The following IRS1 variants were observed in gnomAD, a reference collection of about 807,000 sequenced individuals.
The protein encoded by IRS1 is insulin receptor substrate 1.
A neutral mutation model predicts 65.6 loss-of-function variants in IRS1; 34 were observed. The ratio of observed to expected loss-of-function variants is 0.52; its 90% CI spans 0.39 to 0.69. The LOEUF is 0.69. Ranked by LOEUF, IRS1 falls within the 30% of genes least tolerant of loss-of-function variation. The pLI, the probability that IRS1 is intolerant of heterozygous loss-of-function variation, is 0.00. For missense variants in IRS1, 1,641 were observed against 1,720.2 expected (o/e 0.95, Z 0.81); for synonymous variants, 699 against 683.5 (o/e 1.02, Z -0.35).
Position 226,796,747 on chromosome 2 carries a change from C to A in IRS1, c.1992G>T (p.Met664Ile), listed in dbSNP as rs1939737159. 6.2e-7 allele frequency: 1 copy of A among 1,607,992 alleles called. No homozygotes were observed. The highest frequency in any genetic ancestry group is 8.5e-7 in the Non-Finnish European group (1 of 1,176,412). The change falls in exon 1 of 2, where the codon ATG becomes ATT. Residue 664 changes from methionine to isoleucine, a missense_variant. Physicochemically the swap from Met to Ile is conservative, Grantham distance 10. This residue lies in a region of IRS1 where 1,324 missense variants were observed against 1,361.0 expected (regional missense o/e 0.97). Coordinates refer to ENST00000305123, the MANE Select transcript of IRS1 (RefSeq NM_005544.3). ...PQRVDPNGYM[M>I]MSPSGGCSPD... ...GAGAGCAGCCACCGCTGGGGGACAT[C>A]ATCATGTAGCCATTGGGGTCCACTC...
At chr2:226,760,620 ACC>A (rs1348381080) in intron 1 of IRS1, among the ~76,000 whole-genome samples, 1 of 151,052 alleles carries the variant, frequency 6.6e-6, no homozygotes. Flanking sequence ...CCTCAACCCC[ACC>A]CCCCTCCACA....
intron 1 of IRS1, 145 bp from the exon 2 acceptor site, chr2:226,736,395 C>A (rs117173955): frequency 6.6e-6 from 1 of 152,214 alleles, no homozygotes; most frequent in East Asian, 1.9e-4. Context: ...ATATGATCAA[C>A]AAACTGTATT....
At chr2:226,758,843 C>T (rs1244050881) in intron 1 of IRS1, among the ~76,000 whole-genome samples, 1 of 152,184 alleles carries the variant, frequency 6.6e-6, no homozygotes, top group Non-Finnish European at 1.5e-5. Flanking sequence ...CCAACCTACC[C>T]TTCCTAAAAT....
At chr2:226,741,786 AACACACACAC>A (rs145806509) in intron 1 of IRS1, among the ~76,000 whole-genome samples, 19 of 138,534 alleles carry the variant, frequency 1.4e-4, no homozygotes, top group African/African-American at 2.7e-4. Flanking sequence ...GAGCCCAGTA[AACACACACAC>A]ACACACACAC....
intron 1 of IRS1, among the ~76,000 whole-genome samples, chr2:226,754,175 A>G (rs1034531352): frequency 1.2e-4 from 19 of 152,190 alleles, no homozygotes; most frequent in African/African-American, 4.6e-4. Context: ...CAAATTAAAT[A>G]TCTCTACTAA....
At chr2:226,757,072 G>T (rs1418337247) in intron 1 of IRS1, among the ~76,000 whole-genome samples, 1 of 152,196 alleles carries the variant, frequency 6.6e-6, no homozygotes, top group Non-Finnish European at 1.5e-5. Flanking sequence ...TTATGTGCTT[G>T]CTTCCAATGA....
chr2:226,772,622 TCAA>T (rs1939185942), intron 1 of IRS1, among the ~76,000 whole-genome samples: 1 of 147,664 alleles, frequency 6.8e-6, no homozygotes, highest in Admixed American at 6.8e-5. Flanking sequence ...CAGGACCTTA[TCAA>T]GACAGGAAAA....
intron 1 of IRS1, among the ~76,000 whole-genome samples, chr2:226,739,789 A>C (rs1163272925): frequency 6.6e-6 from 1 of 152,210 alleles, no homozygotes; most frequent in Non-Finnish European, 1.5e-5. Context: ...TGAATAAAGC[A>C]ACTCACTCAA....
In IRS1 at chr2:226,795,450, G is replaced by A. The variant is rs775121566; in HGVS notation, c.3289C>T (p.Arg1097Trp). Reference sequence around the variant, plus strand: ...GAGAAAGTCTCGGAGCTATGCCTCCGCCGGCACCCTTGTGGGTCTGCACGG... The same window carrying A: ...GAGAAAGTCTCGGAGCTATGCCTCCACCGGCACCCTTGTGGGTCTGCACGG... The part of the protein sequence containing the change: ...VIRADPQGCR[R>W]RHSSETFSST... Residue 1097 changes from arginine (R) to tryptophan (W), a missense_variant, in exon 1 of 2, where the codon CGG becomes TGG. Around this residue, in one of 3 missense-constraint regions of IRS1, gnomAD observed 1,324 missense variants for 1,361.0 expected, o/e 0.97. Coordinates refer to ENST00000305123, the MANE Select transcript of IRS1 (RefSeq NM_005544.3). 33 of 1,613,422 alleles carry A rather than the reference G, an allele frequency of 2.0e-5. No homozygotes were observed. The highest frequency in any genetic ancestry group is 2.5e-5 in the Non-Finnish European group (30 of 1,180,026).
At position 226,732,631 on chromosome 2, in the gene IRS1, C is replaced by T. The variant is rs1292607215; in HGVS notation, c.*3641G>A. 1 of 150,538 alleles carries T rather than the reference C, an allele frequency of 6.6e-6. No homozygotes were observed. The highest frequency in any genetic ancestry group is 1.5e-5 in the Non-Finnish European group (1 of 67,772). The allele number at this position is 150,538 out of a possible 1,614,324, so 9.3% of individuals were successfully genotyped here. On this transcript the variant is annotated 3_prime_UTR_variant, in exon 2 of 2. Transcript: ENST00000305123. Reference sequence around the variant, plus strand: ...ACACACACACATCCCACACACACGTCACATATATATACACACACACAAAGA... The same window carrying T: ...ACACACACACATCCCACACACACGTTACATATATATACACACACACAAAGA...
At chr2:226,753,672 C>T (rs1346188028) in intron 1 of IRS1, among the ~76,000 whole-genome samples, 2 of 152,126 alleles carry the variant, frequency 1.3e-5, no homozygotes, top group African/African-American at 4.8e-5. Flanking sequence ...TAAATATAGT[C>T]TAAGGTCCAT....
At chr2:226,791,028 C>A (rs554149265) in intron 1 of IRS1, among the ~76,000 whole-genome samples, 1 of 152,318 alleles carries the variant, frequency 6.6e-6, no homozygotes, top group East Asian at 1.9e-4. Flanking sequence ...TCAGGATCTG[C>A]AAGCTGCAGT....
At chr2:226,746,527 T>C (rs1324849018) in intron 1 of IRS1, among the ~76,000 whole-genome samples, 1 of 152,108 alleles carries the variant, frequency 6.6e-6, no homozygotes, top group Non-Finnish European at 1.5e-5. Flanking sequence ...TGCTTGCAGC[T>C]CTAAGGTCAC....
At position 226,795,304 on chromosome 2, in the gene IRS1, G is replaced by A. The variant is rs771011699; in HGVS notation, c.3435C>T (p.Ser1145=). 1 of 1,613,830 alleles carries A rather than the reference G, an allele frequency of 6.2e-7. No homozygotes were observed. Among genetic ancestry groups the A allele is most frequent in the Non-Finnish European group, 8.5e-7 (1 of 1,180,012 alleles). The change falls in exon 1 of 2, where the codon TCC becomes TCT. Residue 1145 remains serine (S), a synonymous_variant. Transcript: ENST00000305123. ...CAGGCCTCAGCCACACATTCTCAAA[G>A]GAAGCAGAGCTGTGGCGTTTCACAT... ...SEDVKRHSSA[S]FENVWLRPGE... is the part of the protein sequence containing the mutation.
At chr2:226,748,206 T>C (rs1938594631) in intron 1 of IRS1, among the ~76,000 whole-genome samples, 1 of 150,742 alleles carries the variant, frequency 6.6e-6, no homozygotes, top group Non-Finnish European at 1.5e-5. Flanking sequence ...GGAGGGCAGA[T>C]CACATGAGGC....
Position 226,798,703 on chromosome 2 carries a change from G to A in IRS1, c.36C>T (p.Asp12=), listed in dbSNP as rs1204376978. 6.2e-7 allele frequency: 1 copy of A among 1,612,780 alleles called. No individual in the cohort carries two copies. Among genetic ancestry groups the A allele is most frequent in the Non-Finnish European group, 8.5e-7 (1 of 1,179,854 alleles). Residue 12 remains aspartate (D), a synonymous_variant, in exon 1 of 2, where the codon GAC becomes GAT. Coordinates refer to ENST00000305123, the MANE Select transcript of IRS1 (RefSeq NM_005544.3). The surrounding 1 kb of genome is among the most constrained non-coding windows in gnomAD (Gnocchi z 9.4). ...TGCGCAGGTAGCCCACCTTGCGCAC[G>A]TCCGAGAAGCCATCGCTCTCCGGAG... ...ASPPESDGFS[D]VRKVGYLRKP...
chr2:226,768,933 C>T (rs903226633), intron 1 of IRS1, among the ~76,000 whole-genome samples: 1 of 152,168 alleles, frequency 6.6e-6, no homozygotes, highest in Non-Finnish European at 1.5e-5. Context: ...CCGCACCCAG[C>T]GAATCCTTCT....
At chr2:226,792,929 C>G (rs142156205) in intron 1 of IRS1, among the ~76,000 whole-genome samples, 1 of 152,264 alleles carries the variant, frequency 6.6e-6, no homozygotes, top group East Asian at 1.9e-4. Flanking sequence ...CTTTAAACAC[C>G]AACACAAACA....
intron 1 of IRS1, among the ~76,000 whole-genome samples, chr2:226,786,420 A>G (rs73992215): frequency 0.04 from 6,113 of 152,222 alleles, 167 homozygotes; most frequent in African/African-American, 0.076. Context: ...AAGGTGTATT[A>G]TCTGCTGTGC....
Sources: allele counts gnomAD v4.1 joint callset (sites outside exome capture counted in the v4.1 genomes callset), GRCh38; gene constraint gnomAD v4.1.1; regional missense constraint gnomAD v4.1.1; non-coding constraint Gnocchi (gnomAD v3.1); transcripts MANE v1.5; gene names NCBI Gene and HGNC (gene_info 2026-07-23, HGNC 2026-07-21).